Variants in VPS13D observed in about 807,000 individuals in gnomAD.
VPS13D encodes the protein intermembrane lipid transfer protein VPS13D.
Under a neutral mutation model 461.9 loss-of-function variants are expected in VPS13D, and 187 were observed. That is an observed-to-expected ratio of 0.40 (90% CI 0.36 to 0.46). VPS13D has a LOEUF of 0.46. Ranked by LOEUF, VPS13D falls within the 20% of genes least tolerant of loss-of-function variation. VPS13D has a pLI of 0.60. For missense variants in VPS13D, 4,711 were observed against 5,364.9 expected, an observed-to-expected ratio of 0.88 and a Z score of 3.81; for synonymous variants, 1,951 against 1,986.3, an observed-to-expected ratio of 0.98 and a Z score of 0.47.
chr1:12,256,386 T>C lies in VPS13D; in HGVS notation c.723T>C (p.Pro241=), dbSNP rs780349517. 5.6e-6 allele frequency: 9 copies of C among 1,613,940 alleles called. No homozygotes were observed. Among genetic ancestry groups the C allele is most frequent in the Non-Finnish European group, 7.6e-6 (9 of 1,180,008 alleles). ...GCAGCCATCACTACGTCCTGGAGCCTGTGTTTGCATCTGCTCTTTTGAAGA... is the reference window on the plus strand; with the variant it reads ...GCAGCCATCACTACGTCCTGGAGCCCGTGTTTGCATCTGCTCTTTTGAAGA... The part of the protein sequence containing the change: ...ESRSHHYVLE[P]VFASALLKRN... The change falls in exon 8 of 70, where the codon CCT becomes CCC. Residue 241 remains proline, a synonymous_variant. Coordinates refer to ENST00000620676, the MANE Select transcript of VPS13D (RefSeq NM_015378.4).
intron 66 of VPS13D, among the ~76,000 whole-genome samples, chr1:12,458,664 C>T (rs1280042854): frequency 6.6e-6 from 1 of 152,140 alleles, no homozygotes; most frequent in Non-Finnish European, 1.5e-5. Flanking sequence ...ACATTCTCAC[C>T]CAAGGAGTTT....
chr1:12,302,162 T>C (rs1338387314), intron 25 of VPS13D, among the ~76,000 whole-genome samples: 2 of 152,242 alleles, frequency 1.3e-5, no homozygotes, highest in South Asian at 2.1e-4. Context: ...AAAGATACAA[T>C]AAAAATGCTG....
chr1:12,506,748 G>T (rs528029183), intron 68 of VPS13D, 105 bp from the exon 69 acceptor site: 5 of 1,426,978 alleles, frequency 3.5e-6, no homozygotes, highest in Non-Finnish European at 4.7e-6. Flanking sequence ...CAAGGGGGCC[G>T]GGATTCGCAC....
chr1:12,434,757 A>G (rs185269389), intron 65 of VPS13D, among the ~76,000 whole-genome samples: 2 of 152,336 alleles, frequency 1.3e-5, no homozygotes, highest in African/African-American at 4.8e-5. Context: ...CATTCCACAT[A>G]AGCTTGTCTG....
chr1:12,354,374 A>G (rs896453962), intron 47 of VPS13D, among the ~76,000 whole-genome samples, 153 bp downstream of exon 47: 10 of 152,196 alleles, frequency 6.6e-5, no homozygotes, highest in Admixed American at 5.9e-4. Context: ...GTTAAAAAAA[A>G]ATAACCTTTA....
chr1:12,399,354 G>A (rs1293743040), intron 60 of VPS13D, among the ~76,000 whole-genome samples: 8 of 151,506 alleles, frequency 5.3e-5, no homozygotes, highest in Admixed American at 4.6e-4. Flanking sequence ...CCACGACCAC[G>A]TCCAGCTAAT....
At chr1:12,346,971 G>A (rs1643690866) in intron 44 of VPS13D, among the ~76,000 whole-genome samples, 1 of 152,124 alleles carries the variant, frequency 6.6e-6, no homozygotes, top group Admixed American at 6.5e-5. Flanking sequence ...TCATAGTTTT[G>A]GGTCCAAAGG....
chr1:12,485,294 G>A (rs1645782809), intron 67 of VPS13D, among the ~76,000 whole-genome samples: 1 of 152,218 alleles, frequency 6.6e-6, no homozygotes, highest in South Asian at 2.1e-4. Context: ...CCGCAGCAGT[G>A]ACCCACCAGC....
intron 22 of VPS13D, among the ~76,000 whole-genome samples, chr1:12,289,637 T>C (rs1225308881): frequency 6.6e-6 from 1 of 152,022 alleles, no homozygotes; most frequent in South Asian, 2.1e-4. Flanking sequence ...TGGTTATTTT[T>C]GTTAGAAGAC....
At chr1:12,346,794 T>C in intron 44 of VPS13D, 142 bp downstream of exon 44, 1 of 813,450 alleles carries the variant, frequency 1.2e-6, no homozygotes, top group Non-Finnish European at 1.8e-6. Context: ...TTTCTATTAA[T>C]GATTACCTTC....
At chr1:12,384,191 G>A (rs944764208) in intron 58 of VPS13D, among the ~76,000 whole-genome samples, 1 of 152,182 alleles carries the variant, frequency 6.6e-6, no homozygotes, top group Non-Finnish European at 1.5e-5. Context: ...GAAGTGGCAG[G>A]GGTGGACATG....
rs191461073 is a variant in VPS13D at position 12,353,332 on chromosome 1, G to A, written c.9432-642G>A. Among the ~76,000 whole-genome samples, 742 of 152,072 alleles carry A rather than the reference G, an allele frequency of 4.9e-3. 5 individuals carry two copies. The highest frequency in any genetic ancestry group is 0.017 in the African/African-American group (701 of 41,496). ...GCAGATCACGAGGTCAGGAGATCAA[G>A]ACCATCCCGGCTAACATGGTGAAAC... is the stretch of plus-strand genomic sequence containing the variant. On this transcript the variant is annotated intron_variant, in intron 46 of 69. Coordinates refer to ENST00000620676, the MANE Select transcript of VPS13D (RefSeq NM_015378.4).
intron 24 of VPS13D, among the ~76,000 whole-genome samples, chr1:12,295,598 A>G (rs1303741731): frequency 6.6e-6 from 1 of 152,210 alleles, no homozygotes. Context: ...GTTGTTTTCT[A>G]TACATTTTTC....
chr1:12,317,031 C>T (rs552387849), intron 30 of VPS13D, among the ~76,000 whole-genome samples: 1 of 138,648 alleles, frequency 7.2e-6, no homozygotes, highest in South Asian at 2.5e-4. Flanking sequence ...CTCTAGGTTA[C>T]TTAGGGGACA....
chr1:12,281,556 G>A (rs1641783811), intron 20 of VPS13D, among the ~76,000 whole-genome samples: 1 of 152,118 alleles, frequency 6.6e-6, no homozygotes, highest in Non-Finnish European at 1.5e-5. Flanking sequence ...TTTTTTGGCA[G>A]GGGAGTTGGG....
intron 17 of VPS13D, among the ~76,000 whole-genome samples, chr1:12,271,368 C>G (rs1432867358): frequency 1.3e-5 from 2 of 152,178 alleles, no homozygotes; most frequent in African/African-American, 2.4e-5. Flanking sequence ...GATGAGGTTA[C>G]TTTCAAGACT....
At chr1:12,258,204 T>C in intron 10 of VPS13D, 101 bp downstream of exon 10, 1 of 1,422,568 alleles carries the variant, frequency 7.0e-7, no homozygotes. Context: ...TAAAGTCCCA[T>C]GCCAAAGGGG....
rs776425512 is a variant in VPS13D at position 12,293,558 on chromosome 1, C to A, written c.5887C>A (p.His1963Asn). Residue 1963 changes from histidine (H) to asparagine (N), a missense_variant, in exon 24 of 70, where the codon CAC (histidine) becomes AAC (asparagine). Physicochemically the swap from His to Asn is moderately conservative, Grantham distance 68. Around this residue, in one of 3 missense-constraint regions of VPS13D, gnomAD observed 4,411 missense variants for 4,937.8 expected, o/e 0.89. Transcript: ENST00000620676. ...GCCTGACCCTCTGCTCCGGAGAGAA[C>A]ACGACATTCGCGTGAGCCTCCGGAT... ...GRPDPLLRREHDIRVSLRMAS... is the reference protein window; with the variant it reads ...GRPDPLLRRENDIRVSLRMAS... 14 of 1,613,718 alleles carry A rather than the reference C, an allele frequency of 8.7e-6. No homozygotes were observed. The highest frequency in any genetic ancestry group is 1.2e-5 in the Non-Finnish European group (14 of 1,179,808).
chr1:12,279,348 C>G lies in VPS13D; in HGVS notation c.4451-151C>G, dbSNP rs1641710217. The G allele has an allele frequency of 6.7e-6, 5 of 748,484 alleles. No homozygotes were observed. The highest frequency in any genetic ancestry group is 7.8e-6 in the Non-Finnish European group (4 of 513,226). 46.4% of individuals were successfully genotyped at this position (748,484 alleles called of 1,614,324 possible). On this transcript the variant is annotated intron_variant, in intron 19 of 69. Transcript: ENST00000620676. The surrounding 1 kb of genome is among the most constrained non-coding windows in gnomAD (Gnocchi z 4.3). ...GCCTCAGGATAGCTGTCAAGGTTTG[C>G]TCTCAATCATAGACCCCGGGTGCCA... is the stretch of plus-strand genomic sequence containing the variant.
Sources: allele counts gnomAD v4.1 joint callset (sites outside exome capture counted in the v4.1 genomes callset), GRCh38; gene constraint gnomAD v4.1.1; regional missense constraint gnomAD v4.1.1; non-coding constraint Gnocchi (gnomAD v3.1); transcripts MANE v1.5; gene names NCBI Gene and HGNC (gene_info 2026-07-23, HGNC 2026-07-21).